The following NALF1 variants were observed in gnomAD, a reference collection of about 807,000 sequenced individuals.
NALF1 encodes family with sequence similarity 155 member A.
In NALF1, 3 loss-of-function variants were observed where a neutral mutation model predicts 48.4. That is an observed-to-expected ratio of 0.06 (90% CI 0.03 to 0.16). The LOEUF (loss-of-function observed/expected upper bound fraction) is 0.16, where lower values mean the gene tolerates loss of function less well. NALF1 is among the 10% of genes least tolerant of loss of function. The pLI is 1.00. For synonymous variants in NALF1, 262 were observed against 245.7 expected, an observed-to-expected ratio of 1.07 and a Z score of -0.62; for missense variants, 526 against 571.5, an observed-to-expected ratio of 0.92 and a Z score of 0.81.
At position 107,697,095 on chromosome 13, in the gene NALF1, A is replaced by G. The variant is rs1185659470; in HGVS notation, c.915+168587T>C. Among the ~76,000 whole-genome samples the G allele has an allele frequency of 2.6e-5, 4 of 152,172 alleles. No individual in the cohort carries two copies. In the East Asian group the frequency reaches 5.8e-4, roughly 22 times the overall value. ...TTGCTATGTTAAGATAATTTTGCGGAGTTTTAGAGAAAGTCTAAATAATGA... is the reference window on the plus strand; with the variant it reads ...TTGCTATGTTAAGATAATTTTGCGGGGTTTTAGAGAAAGTCTAAATAATGA... On this transcript the variant is annotated intron_variant, in intron 1 of 2. Transcript: ENST00000375915.
chr13:107,813,690 T>C (rs1195959802), intron 1 of NALF1, among the ~76,000 whole-genome samples: 37 of 147,268 alleles, frequency 2.5e-4, no homozygotes, highest in Non-Finnish European at 4.2e-4. Context: ...AAAAAAAATT[T>C]ATATTCTGAC....
intron 1 of NALF1, among the ~76,000 whole-genome samples, chr13:107,754,840 A>C (rs11839262): frequency 5.3e-5 from 8 of 152,274 alleles, no homozygotes; most frequent in African/African-American, 1.9e-4. Context: ...ACATACCCAC[A>C]CTATTAGAAA....
At chr13:107,760,372 A>G (rs1368662752) in intron 1 of NALF1, among the ~76,000 whole-genome samples, 1 of 152,188 alleles carries the variant, frequency 6.6e-6, no homozygotes, top group East Asian at 1.9e-4. Context: ...CACAAGGAGG[A>G]ACATCTGTAG....
intron 1 of NALF1, among the ~76,000 whole-genome samples, chr13:107,859,701 G>A (rs1189695778): frequency 6.6e-6 from 1 of 151,936 alleles, no homozygotes. Flanking sequence ...TCAGGAGTTC[G>A]AGACCAGCCT....
chr13:107,187,368 T>G, intron 2 of NALF1, among the ~76,000 whole-genome samples: 1 of 152,314 alleles, frequency 6.6e-6, no homozygotes. Flanking sequence ...TTCAAAATGC[T>G]TATATAGGAT....
intron 1 of NALF1, among the ~76,000 whole-genome samples, chr13:107,563,779 C>T (rs1347212349): frequency 6.6e-6 from 1 of 152,176 alleles, no homozygotes; most frequent in Non-Finnish European, 1.5e-5. Context: ...TGTTATAAAG[C>T]TATTTCCTGC....
chr13:107,738,447 T>G (rs994007493), intron 1 of NALF1, among the ~76,000 whole-genome samples: 1 of 152,146 alleles, frequency 6.6e-6, no homozygotes, highest in African/African-American at 2.4e-5. Flanking sequence ...ATAACCCATT[T>G]TCTCCCCGTT....
In NALF1 at chr13:107,163,878, A is replaced by C. The variant is rs531305313; in HGVS notation, c.*6619T>G. On this transcript the variant is annotated 3_prime_UTR_variant, in exon 3 of 3. Coordinates refer to ENST00000375915, the MANE Select transcript of NALF1 (RefSeq NM_001080396.3). ...ATGCCATATGCAGAAAAAGGTAGAA[A>C]AAGAAAACAAGAGAAAAAGGAAGAA... 25 of 152,360 alleles carry C rather than the reference A, an allele frequency of 1.6e-4. No individual in the cohort carries two copies. The highest frequency in any genetic ancestry group is 5.5e-4 in the African/African-American group (23 of 41,592). The allele number at this position is 152,360 out of a possible 1,614,324, so 9.4% of individuals were successfully genotyped here.
chr13:107,612,356 T>G (rs561478457), intron 1 of NALF1, among the ~76,000 whole-genome samples: 1 of 152,094 alleles, frequency 6.6e-6, no homozygotes. Context: ...TATAACTATG[T>G]GCATATAGTT....
intron 2 of NALF1, among the ~76,000 whole-genome samples, chr13:107,175,842 C>T (rs1878916142): frequency 6.6e-6 from 1 of 152,202 alleles, no homozygotes; most frequent in Non-Finnish European, 1.5e-5. Flanking sequence ...GCAGTCTTGA[C>T]CTATTTCTCA....
intron 1 of NALF1, among the ~76,000 whole-genome samples, chr13:107,327,470 T>C (rs532985293): frequency 6.6e-6 from 1 of 152,356 alleles, no homozygotes; most frequent in Non-Finnish European, 1.5e-5. Context: ...GATATTCTAA[T>C]AGACTGTCAT....
chr13:107,709,429 CCT>C, intron 1 of NALF1, among the ~76,000 whole-genome samples: 1 of 152,078 alleles, frequency 6.6e-6, no homozygotes, highest in South Asian at 2.1e-4. Context: ...TTCATGACAC[CCT>C]CTGTCAGGCC....
chr13:107,641,827 G>T (rs1283106967), intron 1 of NALF1, among the ~76,000 whole-genome samples: 2 of 152,114 alleles, frequency 1.3e-5, no homozygotes, highest in African/African-American at 4.8e-5. Context: ...TATGAACCAG[G>T]TTTCAACACC....
chr13:107,866,053 A>T lies in NALF1; in HGVS notation c.544T>A (p.Phe182Ile). ...YPQGASSGQC[F>I]TVENADAVCA... ...ACCGCGTCCGCATTCTCCACCGTGA[A>T]GCACTGGCCCGAGGACGCGCCCTGG... Residue 182 changes from phenylalanine (F) to isoleucine (I), a missense_variant, in exon 1 of 3, where the codon TTC (phenylalanine) becomes ATC (isoleucine). Transcript: ENST00000375915. This position sits in a 1 kb window ranked among gnomAD's most constrained non-coding sequence, Gnocchi z 4.4. 6.2e-7 allele frequency: 1 copy of T among 1,612,710 alleles called. No individual in the cohort carries two copies. The highest frequency in any genetic ancestry group is 8.5e-7 in the Non-Finnish European group (1 of 1,179,958).
chr13:107,256,424 C>T (rs1294236460), intron 1 of NALF1, among the ~76,000 whole-genome samples: 1 of 152,144 alleles, frequency 6.6e-6, no homozygotes, highest in Non-Finnish European at 1.5e-5. Context: ...ATTTTGTTGA[C>T]CGTCTAATCT....
At position 107,864,045 on chromosome 13, in the gene NALF1, G is replaced by A. The variant is rs941242298; in HGVS notation, c.915+1637C>T. The stretch of plus-strand genomic sequence containing the variant: ...CCTTTTATTACTAGTAGAATTAGAA[G>A]ACGTAGAGTTTCCTTTTCTTTACAA... On this transcript the variant is annotated intron_variant, in intron 1 of 2. Transcript: ENST00000375915. Among the ~76,000 whole-genome samples the A allele has an allele frequency of 2.0e-5, 3 of 152,164 alleles. No homozygotes were observed. In the South Asian group the frequency reaches 6.2e-4, roughly 32 times the overall value.
At chr13:107,553,519 C>T (rs943808655) in intron 1 of NALF1, among the ~76,000 whole-genome samples, 3 of 152,144 alleles carry the variant, frequency 2.0e-5, no homozygotes, top group African/African-American at 4.8e-5. Context: ...TCAATTGCTT[C>T]TGAAGTTAGC....
At chr13:107,579,779 C>A (rs917168493) in intron 1 of NALF1, among the ~76,000 whole-genome samples, 1 of 151,928 alleles carries the variant, frequency 6.6e-6, no homozygotes, top group African/African-American at 2.4e-5. Flanking sequence ...CCCACTAACT[C>A]GTCATCTAGC....
At chr13:107,681,631 G>A (rs994410824) in intron 1 of NALF1, among the ~76,000 whole-genome samples, 13 of 152,228 alleles carry the variant, frequency 8.5e-5, no homozygotes, top group South Asian at 2.1e-4. Flanking sequence ...TGACCGGAGC[G>A]GGCTGTCCAT....
Sources: gnomAD v4.1 joint callset for allele counts (sites outside exome capture counted in the v4.1 genomes callset) on GRCh38, gnomAD v4.1.1 for gene constraint, Gnocchi (gnomAD v3.1) non-coding constraint, MANE v1.5 for transcripts, NCBI Gene and HGNC (gene_info 2026-07-23, HGNC 2026-07-21) for gene names.